Variants in ST7 observed in about 807,000 individuals in gnomAD.
ST7 encodes suppression of tumorigenicity 7, also known as suppressor of tumorigenicity 7 protein.
In ST7, 28 loss-of-function variants were observed where a neutral mutation model predicts 78.7. The ratio of observed to expected loss-of-function variants is 0.36; its 90% CI spans 0.26 to 0.49. ST7 has a LOEUF of 0.49. Ranked by LOEUF, ST7 falls within the 20% of genes least tolerant of loss-of-function variation. The pLI, the probability that ST7 is intolerant of heterozygous loss-of-function variation, is 0.99. For synonymous variants in ST7, 247 were observed against 249.6 expected (o/e 0.99, Z 0.10); for missense variants, 418 against 696.0 (o/e 0.60, Z 4.49).
At chr7:117,188,715 T>C (rs1240587228) in intron 10 of ST7, among the ~76,000 whole-genome samples, 3 of 152,110 alleles carry the variant, frequency 2.0e-5, no homozygotes, top group Non-Finnish European at 4.4e-5. Flanking sequence ...TTTCTAAAGA[T>C]TTCATACATA....
chr7:117,098,916 C>T (rs1801332048), intron 1 of ST7: 1 of 1,082,306 alleles, frequency 9.2e-7, no homozygotes, highest in Non-Finnish European at 1.2e-6. Context: ...TGTAAGTGAA[C>T]CCTAATCAGT....
intron 15 of ST7, among the ~76,000 whole-genome samples, chr7:117,226,166 C>T (rs1316098925): frequency 6.6e-6 from 1 of 152,112 alleles, no homozygotes; most frequent in South Asian, 2.1e-4. Context: ...AGTAGGGCAC[C>T]TGGAAGTTAT....
chr7:117,221,240 C>A (rs917286963), intron 14 of ST7, among the ~76,000 whole-genome samples: 1 of 152,164 alleles, frequency 6.6e-6, no homozygotes, highest in African/African-American at 2.4e-5. Flanking sequence ...AGAGCACCAG[C>A]TTTTCTTGTT....
rs150562278 is a variant in ST7 at position 117,141,858 on chromosome 7, C to T, written c.963+3326C>T. ...CTAATTTTTGTATTTTTTGTAGAGA[C>T]TGGGTTTTGCTATGTTGCCCAGGCT... On this transcript the variant is annotated intron_variant, in intron 9 of 15. Coordinates refer to ENST00000323984, the MANE Select transcript of ST7 (RefSeq NM_001369598.1). Among the ~76,000 whole-genome samples, 1,015 of 151,932 alleles carry T rather than the reference C, an allele frequency of 6.7e-3. 11 individuals carry two copies. Among genetic ancestry groups the T allele is most frequent in the African/African-American group, 0.021 (883 of 41,440 alleles).
chr7:117,135,440 G>T (rs1804708817), intron 7 of ST7, among the ~76,000 whole-genome samples: 1 of 152,092 alleles, frequency 6.6e-6, no homozygotes, highest in African/African-American at 2.4e-5. Context: ...AACACTACTT[G>T]TAGGTTCTTC....
Position 117,064,894 on chromosome 7 carries a change from G to A in ST7, c.152-34868G>A, listed in dbSNP as rs149374900. 3.5e-4 allele frequency among the ~76,000 whole-genome samples: 54 copies of A among 152,288 alleles called. 1 individual carries two copies. The East Asian group carries it at 9.1e-3, about 26-fold the overall frequency. ...CTACAGGCCATCGTATATTGAAGCA[G>A]CTTAATTTATCCTCATTAAAACAAA... On this transcript the variant is annotated intron_variant, in intron 1 of 15. Transcript: ENST00000323984.
intron 1 of ST7, among the ~76,000 whole-genome samples, chr7:117,094,229 G>A (rs192442108): frequency 6.6e-6 from 1 of 152,246 alleles, no homozygotes; most frequent in East Asian, 1.9e-4. Context: ...TGCCTTAACT[G>A]CGCTTCACTT....
intron 15 of ST7, among the ~76,000 whole-genome samples, chr7:117,225,444 G>A (rs1012813518): frequency 6.6e-6 from 1 of 152,144 alleles, no homozygotes; most frequent in African/African-American, 2.4e-5. Context: ...AGGTCTAGCA[G>A]TTTCCAAAAT....
intron 1 of ST7, among the ~76,000 whole-genome samples, chr7:117,011,096 A>G (rs560978193): frequency 6.6e-6 from 1 of 152,212 alleles, no homozygotes; most frequent in East Asian, 1.9e-4. Context: ...TGAGCCATGA[A>G]CCCTCTAGTA....
intron 1 of ST7, among the ~76,000 whole-genome samples, chr7:117,099,079 A>G (rs1801368258): frequency 6.7e-6 from 1 of 148,694 alleles, no homozygotes; most frequent in African/African-American, 2.5e-5. Context: ...AAAAAAAAGA[A>G]GAAGAAGAAG....
Position 117,050,800 on chromosome 7 carries a change from C to A in ST7, c.152-48962C>A, listed in dbSNP as rs534484797. Among the ~76,000 whole-genome samples the A allele has an allele frequency of 3.9e-5, 6 of 151,996 alleles. No homozygotes were observed. In the South Asian group the frequency reaches 1.2e-3, roughly 32 times the overall value. On this transcript the variant is annotated intron_variant, in intron 1 of 15. Transcript: ENST00000323984. ...AAAAATTTAGCTGGGCGTGATGGCG[C>A]ACGCCTGTAGTCCCAGCTACTCGGG...
chr7:117,127,765 C>T (rs952573201), intron 3 of ST7, among the ~76,000 whole-genome samples: 1 of 151,848 alleles, frequency 6.6e-6, no homozygotes, highest in South Asian at 2.1e-4. Context: ...TGCTGCACCC[C>T]CTGCTGGCTG....
At chr7:116,973,164 G>A (rs1793520471) in intron 1 of ST7, among the ~76,000 whole-genome samples, 3 of 151,794 alleles carry the variant, frequency 2.0e-5, no homozygotes, top group Admixed American at 6.6e-5. Context: ...TCCCATGATA[G>A]TGGGTTTTTC....
At chr7:117,033,303 C>T (rs899077883) in intron 1 of ST7, among the ~76,000 whole-genome samples, 1 of 151,942 alleles carries the variant, frequency 6.6e-6, no homozygotes, top group Non-Finnish European at 1.5e-5. Flanking sequence ...AATGGAAAAA[C>T]TTATTAAGTT....
intron 1 of ST7, among the ~76,000 whole-genome samples, chr7:117,004,891 T>G (rs530188253): frequency 6.6e-6 from 1 of 152,346 alleles, no homozygotes; most frequent in East Asian, 1.9e-4. Context: ...TGTATTTGTA[T>G]GAATAAAATT....
chr7:117,152,374 C>G (rs1806363211), intron 9 of ST7, among the ~76,000 whole-genome samples: 1 of 151,512 alleles, frequency 6.6e-6, no homozygotes, highest in Non-Finnish European at 1.5e-5. Flanking sequence ...GCTACTGTCC[C>G]ACAACCCACT....
chr7:117,098,582 A>AT (rs1801307460), intron 1 of ST7: 2 of 276,614 alleles, frequency 7.2e-6, no homozygotes, highest in Non-Finnish European at 1.4e-5. Context: ...TCATTCTTTC[A>AT]TTTTTTACCC....
At position 116,974,253 on chromosome 7, in the gene ST7, T is replaced by G. The variant is rs538087308; in HGVS notation, c.151+20562T>G. Among the ~76,000 whole-genome samples, 22 of 152,248 alleles carry G rather than the reference T, an allele frequency of 1.4e-4. 1 individual carries two copies. The highest frequency in any genetic ancestry group is 5.3e-4 in the African/African-American group (22 of 41,566). ...CATTTTGTCTATAAAACCAAAGTAT[T>G]TTTGGCATGGTTTTAGTATATGCTT... On this transcript the variant is annotated intron_variant, in intron 1 of 15. Transcript: ENST00000323984.
In ST7 at chr7:117,181,415, A is replaced by G. The variant is rs138413278; in HGVS notation, c.1079-7906A>G. 4.5e-3 allele frequency among the ~76,000 whole-genome samples: 681 copies of G among 152,232 alleles called. 3 individuals are homozygous for G. The highest frequency in any genetic ancestry group is 7.5e-3 in the Non-Finnish European group (508 of 68,008). On this transcript the variant is annotated intron_variant, in intron 10 of 15. Transcript: ENST00000323984. ...ATGGTATTGCAGGTTCAGTTCTGCC[A>G]CTCATTTGTTAGGTGGCTCTTAAGA...
Sources: allele counts gnomAD v4.1 joint callset (sites outside exome capture counted in the v4.1 genomes callset), GRCh38; gene constraint gnomAD v4.1.1; transcripts MANE v1.5; gene names NCBI Gene and HGNC (gene_info 2026-07-23, HGNC 2026-07-21).